The following CR1L variants were observed in gnomAD, a reference collection of about 807,000 sequenced individuals.
CR1L encodes complement C3b/C4b receptor 1 like, also known as complement component receptor 1-like protein.
In CR1L, 59 loss-of-function variants were observed where a neutral mutation model predicts 62.3. The observed-to-expected ratio is 0.95, with a 90% CI of 0.77 to 1.18. The LOEUF (loss-of-function observed/expected upper bound fraction) is 1.18. CR1L is among the 50% of genes most tolerant of loss of function. The pLI, the probability that CR1L is intolerant of heterozygous loss-of-function variation, is 0.00. For synonymous variants in CR1L, 279 were observed against 248.7 expected, an observed-to-expected ratio of 1.12 and a Z score of -1.15; for missense variants, 700 against 702.8, an observed-to-expected ratio of 1.00 and a Z score of 0.04.
rs565268050 is a variant in CR1L at position 207,691,964 on chromosome 1, GA to G, written c.464-2384del. On this transcript the variant is annotated intron_variant, in intron 4 of 11. Coordinates refer to ENST00000508064, the MANE Select transcript of CR1L (RefSeq NM_175710.2). ...CGTGGTGGAAGAGGATTTACGGACA[GA>G]AAAAGGAAACTGACGTACAGAAAAC... Among the ~76,000 whole-genome samples, 546 of 152,308 alleles carry G rather than the reference GA, an allele frequency of 3.6e-3. 3 individuals are homozygous for G. The highest frequency in any genetic ancestry group is 6.5e-3 in the Non-Finnish European group (442 of 68,024).
At chr1:207,665,413 T>TC in intron 1 of CR1L, among the ~76,000 whole-genome samples, 1 of 151,030 alleles carries the variant, frequency 6.6e-6, no homozygotes, top group East Asian at 2.0e-4. Flanking sequence ...TATTTTTTTT[T>TC]CTAGTTGGAG....
chr1:207,684,283 T>C (rs1280930954), intron 4 of CR1L, among the ~76,000 whole-genome samples: 2 of 152,304 alleles, frequency 1.3e-5, no homozygotes, highest in East Asian at 3.9e-4. Context: ...GTAAAGATTT[T>C]AAAAATTGAT....
chr1:207,653,448 A>G (rs1297467318), intron 1 of CR1L, among the ~76,000 whole-genome samples: 1 of 152,228 alleles, frequency 6.6e-6, no homozygotes, highest in Non-Finnish European at 1.5e-5. Flanking sequence ...AATCATGAGA[A>G]TTCATCCTTC....
intron 7 of CR1L, 98 bp downstream of exon 7, chr1:207,697,971 G>GACAC (rs140211440): frequency 5.5e-5 from 81 of 1,480,752 alleles, no homozygotes; most frequent in Non-Finnish European, 6.7e-5. Flanking sequence ...AAGACAGACA[G>GACAC]ACAGACACAC....
chr1:207,663,110 G>A lies in CR1L; in HGVS notation c.98-14279G>A, dbSNP rs529526673. The stretch of plus-strand genomic sequence containing the variant: ...GGGGGTCAGGGACCCACTTGAGGAG[G>A]TAGTCTGCCCGTTCTCAGATCTCAA... On this transcript the variant is annotated intron_variant, in intron 1 of 11. Coordinates refer to ENST00000508064, the MANE Select transcript of CR1L (RefSeq NM_175710.2). Among the ~76,000 whole-genome samples, 159 of 152,328 alleles carry A rather than the reference G, an allele frequency of 1.0e-3. 1 individual carries two copies. Among genetic ancestry groups the A allele is most frequent in the African/African-American group, 3.5e-3 (146 of 41,568 alleles).
intron 11 of CR1L, among the ~76,000 whole-genome samples, chr1:207,719,759 T>C (rs1654091071): frequency 6.6e-6 from 1 of 152,024 alleles, no homozygotes; most frequent in South Asian, 2.1e-4. Flanking sequence ...AGATAGCTTC[T>C]AATTTAATTA....
In CR1L at chr1:207,678,290, C is replaced by A. The variant is rs747570485; in HGVS notation, c.370C>A (p.Pro124Thr). ...QFRSQIKYSC[P>T]KGYRLIGSSS... is the part of the protein sequence containing the mutation. The stretch of plus-strand genomic sequence containing the variant: ...CAGATCCCAAATTAAATATTCTTGT[C>A]CTAAAGGGTGAGTTGGCATCTCTTG... Residue 124 changes from proline to threonine, a missense_variant, in exon 3 of 12, where the codon CCT (proline) becomes ACT (threonine). Pro to Thr is a conservative substitution (Grantham distance 38, BLOSUM62 -1). Coordinates refer to ENST00000508064, the MANE Select transcript of CR1L (RefSeq NM_175710.2). 2.4e-5 allele frequency: 38 copies of A among 1,612,730 alleles called. No homozygotes were observed. The highest frequency in any genetic ancestry group is 6.6e-5 in the South Asian group (6 of 91,026).
rs183382418 is a variant in CR1L at position 207,702,340 on chromosome 1, C to T, written c.1328+722C>T. ...TCCATGGACAAGACATTCCCCTTCT[C>T]TCTCCCTCTCTTCAGGACTCCCTAA... is the stretch of plus-strand genomic sequence containing the variant. On this transcript the variant is annotated intron_variant, in intron 9 of 11. Coordinates refer to ENST00000508064, the MANE Select transcript of CR1L (RefSeq NM_175710.2). Among the ~76,000 whole-genome samples the T allele has an allele frequency of 9.2e-5, 14 of 152,202 alleles. No homozygotes were observed. The East Asian group carries it at 1.3e-3, about 15-fold the overall frequency.
intron 1 of CR1L, chr1:207,658,413 A>G (rs911439687): frequency 6.6e-6 from 1 of 152,162 alleles, no homozygotes; most frequent in African/African-American, 2.4e-5. Context: ...ACACAAATTA[A>G]CCAATACTGA....
intron 1 of CR1L, among the ~76,000 whole-genome samples, chr1:207,669,909 C>T (rs1245137888): frequency 2.0e-5 from 3 of 151,198 alleles, no homozygotes; most frequent in Non-Finnish European, 2.9e-5. Flanking sequence ...GGCGTCGATC[C>T]TAGCGAAACG....
At chr1:207,681,105 TTTTA>T (rs1197412485) in intron 3 of CR1L, among the ~76,000 whole-genome samples, 1 of 152,214 alleles carries the variant, frequency 6.6e-6, no homozygotes, top group African/African-American at 2.4e-5. Flanking sequence ...AGGATTTGTT[TTTTA>T]TTCTCATTTT....
chr1:207,696,511 A>C (rs901712451), intron 5 of CR1L, among the ~76,000 whole-genome samples: 1 of 152,196 alleles, frequency 6.6e-6, no homozygotes, highest in African/African-American at 2.4e-5. Context: ...TTTAACCAGC[A>C]CAGCACCTCA....
chr1:207,657,890 C>A (rs915272058), intron 1 of CR1L, among the ~76,000 whole-genome samples: 3 of 152,102 alleles, frequency 2.0e-5, no homozygotes, highest in African/African-American at 7.2e-5. Context: ...ATATTCTAGA[C>A]AATAAGACAA....
chr1:207,704,256 G>GA (rs1296250455), intron 9 of CR1L, among the ~76,000 whole-genome samples: 1 of 152,188 alleles, frequency 6.6e-6, no homozygotes, highest in East Asian at 1.9e-4. Context: ...ACAATTAGAA[G>GA]CAGAGCCTAA....
Position 207,694,613 on chromosome 1 carries a change from T to G in CR1L, c.724T>G (p.Ser242Ala). The stretch of plus-strand genomic sequence containing the variant: ...AAATGTGGAAAATGGAATATTGGTA[T>G]CTGACAACAGAAGCTTATTTTCCTT... ...PPNVENGILV[S>A]DNRSLFSLNE... The change falls in exon 5 of 12, where the codon TCT becomes GCT. Residue 242 changes from serine (S) to alanine (A), a missense_variant. Coordinates refer to ENST00000508064, the MANE Select transcript of CR1L (RefSeq NM_175710.2). 4.3e-6 allele frequency: 7 copies of G among 1,611,910 alleles called. No homozygotes were observed. The highest frequency in any genetic ancestry group is 5.9e-6 in the Non-Finnish European group (7 of 1,179,734).
chr1:207,660,435 G>A (rs1040728843), intron 1 of CR1L, among the ~76,000 whole-genome samples: 3 of 152,208 alleles, frequency 2.0e-5, no homozygotes, highest in Non-Finnish European at 2.9e-5. Context: ...TGCAGCTGAG[G>A]GACCTGTCTG....
At chr1:207,680,185 G>A (rs188963680) in intron 3 of CR1L, among the ~76,000 whole-genome samples, 1 of 152,344 alleles carries the variant, frequency 6.6e-6, no homozygotes, top group East Asian at 1.9e-4. Context: ...GTTTATAATA[G>A]GGGAGGCTAT....
chr1:207,678,168 T>A, intron 2 of CR1L, 30 bp from the exon 3 acceptor site: 2 of 1,605,992 alleles, frequency 1.2e-6, no homozygotes, highest in Non-Finnish European at 8.5e-7. Context: ...TTACTCTACT[T>A]GGCTTCAAAT....
intron 9 of CR1L, among the ~76,000 whole-genome samples, chr1:207,702,883 G>A (rs1236617264): frequency 1.3e-5 from 2 of 152,200 alleles, no homozygotes; most frequent in Admixed American, 6.5e-5. Context: ...AGGTGTTCAA[G>A]ACCAGCCTGA....
Sources: gnomAD v4.1 joint callset for allele counts (sites outside exome capture counted in the v4.1 genomes callset) on GRCh38, gnomAD v4.1.1 for gene constraint, MANE v1.5 for transcripts, NCBI Gene and HGNC (gene_info 2026-07-23, HGNC 2026-07-21) for gene names.